APBB2: variants seen among roughly 807,000 people sequenced by gnomAD.
The protein encoded by APBB2 is amyloid beta precursor protein binding family B member 2.
In APBB2, 38 loss-of-function variants were observed where a neutral mutation model predicts 82.5. That is an observed-to-expected ratio of 0.46 (90% CI 0.36 to 0.60). The LOEUF is 0.60. Ranked by LOEUF, APBB2 falls within the 20% of genes least tolerant of loss-of-function variation. The pLI, the probability that APBB2 is intolerant of heterozygous loss-of-function variation, is 0.00. For synonymous variants in APBB2, 341 were observed against 368.2 expected (o/e 0.93, Z 0.85); for missense variants, 772 against 972.3 (o/e 0.79, Z 2.74).
intron 5 of APBB2, among the ~76,000 whole-genome samples, chr4:41,020,191 T>G (rs1008337695): frequency 6.6e-5 from 10 of 152,252 alleles, no homozygotes; most frequent in African/African-American, 2.4e-4. Context: ...GTTGCCAGTG[T>G]AAACAAGGGT....
chr4:41,117,392 A>T (rs1290873743), intron 2 of APBB2, among the ~76,000 whole-genome samples: 2 of 150,658 alleles, frequency 1.3e-5, no homozygotes, highest in Non-Finnish European at 3.0e-5. Flanking sequence ...TCCCAGGTTC[A>T]AGCAATTCTC....
At chr4:41,000,061 ATGTGTGTATG>A (rs1421916618) in intron 6 of APBB2, among the ~76,000 whole-genome samples, 4 of 113,220 alleles carry the variant, frequency 3.5e-5, no homozygotes, top group African/African-American at 1.1e-4. Context: ...ATGTATATAT[ATGTGTGTATG>A]TGTGTGTGTG....
chr4:41,045,487 T>C (rs1362907729), intron 4 of APBB2, among the ~76,000 whole-genome samples: 1 of 151,724 alleles, frequency 6.6e-6, no homozygotes, highest in Non-Finnish European at 1.5e-5. Flanking sequence ...AGAGACGGGG[T>C]TTCACCGCGT....
intron 1 of APBB2, among the ~76,000 whole-genome samples, chr4:41,146,020 T>C (rs1195907073): frequency 6.6e-6 from 1 of 151,910 alleles, no homozygotes; most frequent in Non-Finnish European, 1.5e-5. Context: ...TGAGACCCTA[T>C]CTCTACAAAA....
intron 3 of APBB2, among the ~76,000 whole-genome samples, chr4:41,085,705 C>A (rs1488008560): frequency 6.6e-6 from 1 of 152,056 alleles, no homozygotes. Flanking sequence ...CAGAGACATT[C>A]AAGTTCATTA....
chr4:40,870,440 G>T (rs1272644768), intron 12 of APBB2, among the ~76,000 whole-genome samples: 1 of 152,328 alleles, frequency 6.6e-6, no homozygotes, highest in East Asian at 1.9e-4. Context: ...GGGGCACAGT[G>T]TGTAACTGGC....
chr4:41,202,854 G>A (rs555710541), intron 1 of APBB2, among the ~76,000 whole-genome samples: 1 of 152,198 alleles, frequency 6.6e-6, no homozygotes, highest in African/African-American at 2.4e-5. Flanking sequence ...GTTAATAACT[G>A]GGGCTGCAGA....
chr4:41,158,116 A>G (rs533925004), intron 1 of APBB2, among the ~76,000 whole-genome samples: 6 of 152,306 alleles, frequency 3.9e-5, no homozygotes, highest in African/African-American at 1.4e-4. Context: ...CTCTGGAGCC[A>G]GACTGCCTGG....
chr4:40,933,115 C>T (rs1057315536), intron 10 of APBB2, among the ~76,000 whole-genome samples: 1 of 152,216 alleles, frequency 6.6e-6, no homozygotes, highest in Non-Finnish European at 1.5e-5. Flanking sequence ...CCGCCGCCCT[C>T]GGCCTCCAAA....
In APBB2 at chr4:41,127,912, T is replaced by A. The variant is rs1754839559; in HGVS notation, c.-261+15075A>T. ...CTGGCCAACTTGATGCAACCCCATC[T>A]CTACCAAAAATATAATAATTAGCCA... On this transcript the variant is annotated intron_variant, in intron 2 of 17. Transcript: ENST00000508593. This position sits in a 1 kb window ranked among gnomAD's most constrained non-coding sequence, Gnocchi z 4.8. Among the ~76,000 whole-genome samples, 1 of 152,054 alleles carries A rather than the reference T, an allele frequency of 6.6e-6. No individual in the cohort carries two copies. The highest frequency in any genetic ancestry group is 2.4e-5 in the African/African-American group (1 of 41,398).
chr4:40,869,581 C>T (rs542096059), intron 12 of APBB2, among the ~76,000 whole-genome samples: 1 of 151,854 alleles, frequency 6.6e-6, no homozygotes, highest in Non-Finnish European at 1.5e-5. Flanking sequence ...GGGTGAGACC[C>T]TGTCTCCAAA....
intron 12 of APBB2, among the ~76,000 whole-genome samples, chr4:40,851,230 CTG>C (rs1759239141): frequency 6.6e-6 from 1 of 152,190 alleles, no homozygotes; most frequent in South Asian, 2.1e-4. Flanking sequence ...TGGCTAGAAA[CTG>C]TTCCACCAAG....
At chr4:40,911,786 G>T (rs967694432) in intron 10 of APBB2, among the ~76,000 whole-genome samples, 1 of 150,100 alleles carries the variant, frequency 6.7e-6, no homozygotes, top group Admixed American at 6.7e-5. Context: ...AGGGGGACAC[G>T]GATTCCTGTG....
chr4:41,000,177 C>G (rs1453169730), intron 6 of APBB2, among the ~76,000 whole-genome samples: 4 of 151,100 alleles, frequency 2.6e-5, no homozygotes, highest in Non-Finnish European at 5.9e-5. Context: ...AGGGGGATCA[C>G]CTGAGTCCAG....
At chr4:41,064,273 T>G (rs1730903045) in intron 4 of APBB2, among the ~76,000 whole-genome samples, 1 of 151,970 alleles carries the variant, frequency 6.6e-6, no homozygotes, top group African/African-American at 2.4e-5. Context: ...CCACCACGCC[T>G]GGCCCCAAAA....
At chr4:41,209,228 C>A (rs573325801) in intron 1 of APBB2, among the ~76,000 whole-genome samples, 1 of 152,284 alleles carries the variant, frequency 6.6e-6, no homozygotes, top group African/African-American at 2.4e-5. Context: ...CTCACTGACT[C>A]ACTTAAAGGT....
rs112994814 is a variant in APBB2, at chr4:41,086,684, A to G, written c.-149+13955T>C. On this transcript the variant is annotated intron_variant, in intron 3 of 17. Coordinates refer to ENST00000508593, the MANE Select transcript of APBB2 (RefSeq NM_004307.2). ...ACTATCTCAGCATAATAAAGGTCAT[A>G]TATGAAAAGCCCACAGCTAATAGCA... Among the ~76,000 whole-genome samples, 1,030 of 152,348 alleles carry G rather than the reference A, an allele frequency of 6.8e-3. 9 individuals carry two copies. The highest frequency in any genetic ancestry group is 0.024 in the African/African-American group (979 of 41,582).
At chr4:41,176,803 AAACTAAAATT>A (rs1769918944) in intron 1 of APBB2, among the ~76,000 whole-genome samples, 1 of 152,200 alleles carries the variant, frequency 6.6e-6, no homozygotes, top group Non-Finnish European at 1.5e-5. Flanking sequence ...GGGTTAACAA[AAACTAAAATT>A]ATAAGAAAAA....
chr4:40,933,616 A>G (rs952584227), intron 10 of APBB2, among the ~76,000 whole-genome samples: 4 of 152,112 alleles, frequency 2.6e-5, no homozygotes, highest in Admixed American at 2.6e-4. Context: ...GCTCACACCC[A>G]TGTCTCTTCC....
Sources: gnomAD v4.1 joint callset for allele counts (sites outside exome capture counted in the v4.1 genomes callset) on GRCh38, gnomAD v4.1.1 for gene constraint, Gnocchi (gnomAD v3.1) non-coding constraint, MANE v1.5 for transcripts, NCBI Gene and HGNC (gene_info 2026-07-23, HGNC 2026-07-21) for gene names.